BFSP1: variants seen among roughly 807,000 people sequenced by gnomAD.
The protein encoded by BFSP1 is filensin.
In BFSP1, 38 loss-of-function variants were observed where a neutral mutation model predicts 43.9. The observed-to-expected ratio is 0.87, with a 90% CI of 0.67 to 1.14. BFSP1 has a LOEUF of 1.14. Among genes scored for constraint, BFSP1 ranks in the 50% most tolerant of loss-of-function variants. BFSP1 has a pLI of 0.00. For synonymous variants in BFSP1, 352 were observed against 354.8 expected (o/e 0.99, Z 0.09); for missense variants, 850 against 875.1 (o/e 0.97, Z 0.36).
At chr20:17,530,353 C>A (rs1320075273) in intron 1 of BFSP1, among the ~76,000 whole-genome samples, 1 of 152,224 alleles carries the variant, frequency 6.6e-6, no homozygotes, top group East Asian at 1.9e-4. Flanking sequence ...ATTTTCTGAG[C>A]CTCAGTCGCC....
At chr20:17,516,655 G>A (rs1480000195) in intron 2 of BFSP1, among the ~76,000 whole-genome samples, 1 of 152,160 alleles carries the variant, frequency 6.6e-6, no homozygotes, top group Non-Finnish European at 1.5e-5. Flanking sequence ...GATGGTAAGG[G>A]AGTGGCCAAC....
At chr20:17,566,943 T>C (rs6044885) in intron 1 of BFSP1, among the ~76,000 whole-genome samples, 151,382 of 152,274 alleles carry the variant, frequency 0.99, 75,254 homozygotes, top group Middle Eastern at 1. Context: ...TGAGCCACGG[T>C]GCCCGGCCTA....
At chr20:17,544,937 G>T (rs181942859) in intron 1 of BFSP1, among the ~76,000 whole-genome samples, 1 of 152,266 alleles carries the variant, frequency 6.6e-6, no homozygotes, top group Non-Finnish European at 1.5e-5. Context: ...ACACTAAAAT[G>T]ATCATTAACA....
At chr20:17,518,135 C>G (rs566609402) in intron 2 of BFSP1, among the ~76,000 whole-genome samples, 16 of 151,498 alleles carry the variant, frequency 1.1e-4, no homozygotes, top group African/African-American at 3.9e-4. Flanking sequence ...AAAACCACTC[C>G]CTTCAACAAA....
chr20:17,505,317 C>T (rs2033908384), intron 5 of BFSP1, among the ~76,000 whole-genome samples: 1 of 152,230 alleles, frequency 6.6e-6, no homozygotes, highest in African/African-American at 2.4e-5. Flanking sequence ...GCGCACCGGC[C>T]CGCCCCAGAG....
At chr20:17,559,532 C>A (rs1487965711), upstream of BFSP1, among the ~76,000 whole-genome samples, 1 of 152,202 alleles carries the variant, frequency 6.6e-6, no homozygotes, top group Non-Finnish European at 1.5e-5. Context: ...AACAGTAGGG[C>A]TAGGCAAGAC....
chr20:17,559,621 C>A (rs1289626840), upstream of BFSP1, among the ~76,000 whole-genome samples: 10 of 152,138 alleles, frequency 6.6e-5, no homozygotes, highest in Non-Finnish European at 1.5e-4. Flanking sequence ...GTTAGGAATG[C>A]GGCGAGTGAG....
intron 6 of BFSP1, 113 bp from the exon 7 acceptor site, chr20:17,497,136 G>T: frequency 1.4e-6 from 1 of 695,504 alleles, no homozygotes; most frequent in Non-Finnish European, 2.3e-6. Flanking sequence ...AATTGCTCAC[G>T]AATTAGATAT....
At chr20:17,499,809 T>A (rs962257539) in intron 5 of BFSP1, among the ~76,000 whole-genome samples, 8 of 151,996 alleles carry the variant, frequency 5.3e-5, no homozygotes, top group African/African-American at 1.9e-4. Context: ...TAATCCCAGA[T>A]ACTTGGGAGG....
chr20:17,550,743 G>C (rs979204679), intron 1 of BFSP1, among the ~76,000 whole-genome samples: 9 of 152,166 alleles, frequency 5.9e-5, no homozygotes, highest in Non-Finnish European at 1.2e-4. Context: ...AAAGTGCTGG[G>C]ATTACAGGCG....
At chr20:17,532,416 A>G (rs866394303), upstream of BFSP1, among the ~76,000 whole-genome samples, 64 of 151,668 alleles carry the variant, frequency 4.2e-4, no homozygotes, top group Middle Eastern at 3.4e-3. Context: ...AAAAAAAAAA[A>G]AAAAAGAAAA....
At position 17,566,371 on chromosome 20, in the gene BFSP1, C is replaced by T. The variant is rs534756657; in HGVS notation, n.50+2800G>A. ...TTTTAAATTCAAGTGCCTATATGTT[C>T]ACAGATTAAGTATGCAAAATGTTTT... On this transcript the variant is annotated intron_variant and non_coding_transcript_variant, in intron 1 of 6. Coordinates refer to the BFSP1 transcript ENST00000473415. 2.0e-5 allele frequency among the ~76,000 whole-genome samples: 3 copies of T among 152,240 alleles called. No individual in the cohort carries two copies. The East Asian group carries it at 5.8e-4, about 29-fold the overall frequency.
At chr20:17,515,243 A>T (rs972257886) in intron 2 of BFSP1, among the ~76,000 whole-genome samples, 4 of 152,234 alleles carry the variant, frequency 2.6e-5, no homozygotes, top group Admixed American at 6.5e-5. Flanking sequence ...AGTAACCTTG[A>T]TCTAGAAAGA....
At chr20:17,501,929 G>T (rs2033813511) in intron 5 of BFSP1, among the ~76,000 whole-genome samples, 1 of 152,246 alleles carries the variant, frequency 6.6e-6, no homozygotes, top group African/African-American at 2.4e-5. Flanking sequence ...ACGGGTCTGA[G>T]GCTGCCGCTC....
rs780694540 is a variant in BFSP1, at chr20:17,514,752, T to G, written c.503A>C (p.Asp168Ala). The G allele has an allele frequency of 1.2e-6, 2 of 1,614,088 alleles. No homozygotes were observed. The highest frequency in any genetic ancestry group is 1.7e-6 in the Non-Finnish European group (2 of 1,179,952). ...GTGCCTGTCCTTTGCCGCACTGATATCATCTTGCAGAAATTGGGCTTCCAG... is the reference window on the plus strand; with the variant it reads ...GTGCCTGTCCTTTGCCGCACTGATAGCATCTTGCAGAAATTGGGCTTCCAG... ...LQLEAQFLQD[D>A]ISAAKDRHKK... The change falls in exon 3 of 8, where the codon GAT (aspartate) becomes GCT (alanine). Residue 168 changes from aspartate (D) to alanine (A), a missense_variant. Physicochemically the swap from Asp to Ala is moderately radical, Grantham distance 126. Coordinates refer to ENST00000377873, the MANE Select transcript of BFSP1 (RefSeq NM_001195.5).
chr20:17,497,109 A>C (rs1017227967), intron 6 of BFSP1, 86 bp from the exon 7 acceptor site: 2 of 1,105,368 alleles, frequency 1.8e-6, no homozygotes, highest in Admixed American at 6.8e-5. Context: ...AATGAAAAAA[A>C]AGCTTTCTCT....
In BFSP1 at chr20:17,494,668, C is replaced by G. The variant is rs145329072; in HGVS notation, c.1404G>C (p.Glu468Asp). Residue 468 changes from glutamate to aspartate, a missense_variant, in exon 8 of 8, where the codon GAG (glutamate) becomes GAC (aspartate). Coordinates refer to ENST00000377873, the MANE Select transcript of BFSP1 (RefSeq NM_001195.5). ...PETPTELYTK[E>D]RHVLVTGDAN... ...CATCCCCTGTGACCAGCACGTGCCGCTCTTTGGTGTAGAGCTCAGTGGGGG... is the reference window on the plus strand; with the variant it reads ...CATCCCCTGTGACCAGCACGTGCCGGTCTTTGGTGTAGAGCTCAGTGGGGG... 3.7e-6 allele frequency: 6 copies of G among 1,614,202 alleles called. No homozygotes were observed. Among genetic ancestry groups the G allele is most frequent in the Non-Finnish European group, 5.1e-6 (6 of 1,180,034 alleles).
chr20:17,541,125 G>T, intron 1 of BFSP1: 2 of 376,074 alleles, frequency 5.3e-6, no homozygotes, highest in Non-Finnish European at 7.3e-6. Flanking sequence ...GGGAGTTCAA[G>T]GCTGCAGTGA....
upstream of BFSP1, among the ~76,000 whole-genome samples, chr20:17,563,884 C>CCA (rs1373074591): frequency 3.2e-5 from 3 of 93,756 alleles, no homozygotes; most frequent in African/African-American, 1.4e-4. Flanking sequence ...GAGACCGTGT[C>CCA]TAAAAAAAAA....
Sources: gnomAD v4.1 joint callset for allele counts (sites outside exome capture counted in the v4.1 genomes callset) on GRCh38, gnomAD v4.1.1 for gene constraint, MANE v1.5 for transcripts, NCBI Gene and HGNC (gene_info 2026-07-23, HGNC 2026-07-21) for gene names.